OPCML: variants seen among roughly 807,000 people sequenced by gnomAD.
The protein encoded by OPCML is opioid binding protein/cell adhesion molecule like.
In OPCML, 13 loss-of-function variants were observed where a neutral mutation model predicts 37.8. The ratio of observed to expected loss-of-function variants is 0.34; its 90% confidence interval spans 0.22 to 0.55. OPCML has a LOEUF of 0.55. Among genes scored for constraint, OPCML ranks in the 20% least tolerant of loss-of-function variants. The probability of loss-of-function intolerance (pLI) is 0.91; values close to 1 mark genes in which losing one functional copy is unlikely to be tolerated. For synonymous variants in OPCML, 176 were observed against 168.8 expected (o/e 1.04, Z -0.33); for missense variants, 341 against 435.6 (o/e 0.78, Z 1.93).
chr11:133,251,493 G>T (rs1236106601), intron 1 of OPCML, among the ~76,000 whole-genome samples: 1 of 151,782 alleles, frequency 6.6e-6, no homozygotes, highest in Non-Finnish European at 1.5e-5. Flanking sequence ...GGGAAGAACT[G>T]CCAGCTTGGA....
chr11:132,863,540 T>C (rs938190128), intron 2 of OPCML, among the ~76,000 whole-genome samples: 2 of 112,976 alleles, frequency 1.8e-5, no homozygotes, highest in African/African-American at 5.8e-5. Flanking sequence ...TAACCTCCCC[T>C]GAGGCTGGCG....
At chr11:132,527,392 C>A (rs561278099) in intron 4 of OPCML, among the ~76,000 whole-genome samples, 2 of 152,056 alleles carry the variant, frequency 1.3e-5, no homozygotes, top group Non-Finnish European at 2.9e-5. Flanking sequence ...CACCAACACT[C>A]GATATTATCA....
At chr11:133,444,603 A>G (rs986744890) in intron 1 of OPCML, among the ~76,000 whole-genome samples, 4 of 152,212 alleles carry the variant, frequency 2.6e-5, no homozygotes, top group African/African-American at 7.2e-5. Flanking sequence ...TTATGTTGGT[A>G]TTAGTCATAT....
chr11:133,423,017 G>A (rs776775163), intron 1 of OPCML: 56 of 985,206 alleles, frequency 5.7e-5, no homozygotes, highest in Non-Finnish European at 6.7e-5. Context: ...CTTCTCCACT[G>A]TGCCATCCAA....
At chr11:133,407,848 C>G (rs908508478) in intron 1 of OPCML, among the ~76,000 whole-genome samples, 2 of 152,182 alleles carry the variant, frequency 1.3e-5, no homozygotes, top group Non-Finnish European at 2.9e-5. Flanking sequence ...CCAGGATTCT[C>G]AAGGGAGTCA....
intron 4 of OPCML, among the ~76,000 whole-genome samples, chr11:132,472,214 G>A (rs556814165): frequency 2.0e-5 from 3 of 152,228 alleles, no homozygotes; most frequent in South Asian, 2.1e-4. Context: ...GTTTTTGTTT[G>A]GAGTTCTAGC....
intron 3 of OPCML, among the ~76,000 whole-genome samples, chr11:132,604,718 C>T (rs934114571): frequency 2.0e-5 from 3 of 152,214 alleles, no homozygotes; most frequent in African/African-American, 7.2e-5. Flanking sequence ...ACTTTGTCAT[C>T]TTCTTCTTCT....
chr11:133,499,140 G>A lies in OPCML; in HGVS notation c.61+33124C>T, dbSNP rs574312059. Among the ~76,000 whole-genome samples, 17 of 152,238 alleles carry A rather than the reference G, an allele frequency of 1.1e-4. No homozygotes were observed. The East Asian group carries it at 1.7e-3, about 16-fold the overall frequency. The stretch of plus-strand genomic sequence containing the variant: ...TCCACTGAGGACAAGCTGAAAAGCC[G>A]TCCAGCTCCCTCCAGAAGTCAACGT... On this transcript the variant is annotated intron_variant, in intron 1 of 7. Transcript: ENST00000524381.
intron 1 of OPCML, among the ~76,000 whole-genome samples, chr11:133,023,335 C>A (rs941900973): frequency 1.3e-5 from 2 of 152,184 alleles, no homozygotes; most frequent in Admixed American, 6.5e-5. Flanking sequence ...GTTTTGCCTG[C>A]GGGTTGTGTG....
At chr11:132,505,547 A>G (rs1171078732) in intron 4 of OPCML, among the ~76,000 whole-genome samples, 1 of 152,234 alleles carries the variant, frequency 6.6e-6, no homozygotes, top group Non-Finnish European at 1.5e-5. Flanking sequence ...CATAGACCAG[A>G]GCCGAAGAAG....
intron 1 of OPCML, among the ~76,000 whole-genome samples, chr11:133,218,967 A>G (rs1939702522): frequency 3.3e-5 from 5 of 152,060 alleles, no homozygotes; most frequent in Admixed American, 3.3e-4. Flanking sequence ...GTGTTTGCTG[A>G]ATTTGTGCTT....
At chr11:133,469,520 C>T (rs1211493679) in intron 1 of OPCML, among the ~76,000 whole-genome samples, 1 of 152,200 alleles carries the variant, frequency 6.6e-6, no homozygotes, top group East Asian at 1.9e-4. Flanking sequence ...TCCAGTTTCA[C>T]CCTACTCCAG....
intron 1 of OPCML, among the ~76,000 whole-genome samples, chr11:133,121,987 T>C (rs932346319): frequency 6.6e-6 from 1 of 152,198 alleles, no homozygotes; most frequent in Non-Finnish European, 1.5e-5. Context: ...TTCTTATGAT[T>C]ATTTGAAGCA....
intron 2 of OPCML, among the ~76,000 whole-genome samples, chr11:132,835,284 G>C (rs546417397): frequency 6.6e-6 from 1 of 152,328 alleles, no homozygotes; most frequent in Non-Finnish European, 1.5e-5. Flanking sequence ...AGACTGCTGC[G>C]GAAGTGTGGG....
At chr11:133,078,045 G>C (rs1207357318) in intron 1 of OPCML, among the ~76,000 whole-genome samples, 1 of 152,124 alleles carries the variant, frequency 6.6e-6, no homozygotes, top group Non-Finnish European at 1.5e-5. Flanking sequence ...CTATGACCTA[G>C]CAATTTCACT....
chr11:132,857,273 A>G (rs1271041631), intron 2 of OPCML, among the ~76,000 whole-genome samples: 1 of 152,228 alleles, frequency 6.6e-6, no homozygotes, highest in Non-Finnish European at 1.5e-5. Context: ...CCATTTGTAT[A>G]TCTTCCATGA....
intron 1 of OPCML, among the ~76,000 whole-genome samples, chr11:132,956,716 C>T (rs1218680089): frequency 6.6e-6 from 1 of 152,162 alleles, no homozygotes; most frequent in Non-Finnish European, 1.5e-5. Context: ...CATACCCACT[C>T]CTTAACCCAG....
In OPCML at chr11:132,980,204, C is replaced by T. The variant is rs1051603848; in HGVS notation, c.62-37194G>A. 9.9e-5 allele frequency among the ~76,000 whole-genome samples: 15 copies of T among 152,082 alleles called. No individual in the cohort carries two copies. In the East Asian group the frequency reaches 2.7e-3, roughly 27 times the overall value. On this transcript the variant is annotated intron_variant, in intron 1 of 7. Coordinates refer to ENST00000524381, the MANE Select transcript of OPCML (RefSeq NM_001012393.5). ...AGCTCTATGAGTAGATGGGGTATTT[C>T]CTGAGGTCTCAGTAACCTCTAGCTA...
At chr11:132,516,717 C>T (rs2096280662) in intron 4 of OPCML, among the ~76,000 whole-genome samples, 1 of 150,706 alleles carries the variant, frequency 6.6e-6, no homozygotes, top group African/African-American at 2.4e-5. Flanking sequence ...GACAGAGAGG[C>T]TGAGTTTCAG....
Sources: allele counts gnomAD v4.1 joint callset (sites outside exome capture counted in the v4.1 genomes callset), GRCh38; gene constraint gnomAD v4.1.1; transcripts MANE v1.5; gene names NCBI Gene and HGNC (gene_info 2026-07-23, HGNC 2026-07-21).